MSRB3: variants seen among roughly 807,000 people sequenced by gnomAD.
MSRB3 encodes the protein methionine sulfoxide reductase B3, also known as methionine-R-sulfoxide reductase B3.
Under a neutral mutation model 21.0 loss-of-function variants are expected in MSRB3, and 13 were observed. The observed-to-expected ratio is 0.62, with a 90% CI of 0.40 to 0.98. The LOEUF is 0.98. Ranked by LOEUF, MSRB3 falls within the 50% of genes least tolerant of loss-of-function variation. MSRB3 has a pLI of 0.00. For missense variants in MSRB3, 199 were observed against 230.3 expected (o/e 0.86, Z 0.88); for synonymous variants, 87 against 88.6 (o/e 0.98, Z 0.10).
At chr12:65,385,599 A>G (rs1049163334) in intron 5 of MSRB3, among the ~76,000 whole-genome samples, 5 of 152,042 alleles carry the variant, frequency 3.3e-5, no homozygotes, top group Admixed American at 6.5e-5. Context: ...AAATTAAATA[A>G]AATAGCTTTC....
chr12:65,439,672 A>C (rs1882283726), intron 5 of MSRB3, among the ~76,000 whole-genome samples: 1 of 151,620 alleles, frequency 6.6e-6, no homozygotes, highest in South Asian at 2.1e-4. Context: ...GTAATCTTGA[A>C]TACCTTCATT....
intron 6 of MSRB3, among the ~76,000 whole-genome samples, chr12:65,455,921 A>C (rs1036958568): frequency 1.3e-5 from 2 of 152,078 alleles, no homozygotes; most frequent in African/African-American, 4.8e-5. Flanking sequence ...TATTTTTGGT[A>C]GAGATAGGGT....
intron 4 of MSRB3, among the ~76,000 whole-genome samples, chr12:65,344,769 AAAG>A (rs1236801588): frequency 6.6e-6 from 1 of 152,046 alleles, no homozygotes; most frequent in African/African-American, 2.4e-5. Flanking sequence ...GTCACTTTGA[AAAG>A]ACAATGGAAG....
At chr12:65,359,482 C>G (rs1172484116) in intron 4 of MSRB3, among the ~76,000 whole-genome samples, 1 of 151,912 alleles carries the variant, frequency 6.6e-6, no homozygotes, top group African/African-American at 2.4e-5. Context: ...TTTTACTAAC[C>G]CCTAATCTGC....
chr12:65,306,814 C>G, intron 1 of MSRB3: 1 of 982,378 alleles, frequency 1.0e-6, no homozygotes, highest in Non-Finnish European at 1.2e-6. Context: ...ATTTGTGGCC[C>G]TCAGGTTTTA....
intron 5 of MSRB3, among the ~76,000 whole-genome samples, chr12:65,416,586 G>A (rs780117820): frequency 9.9e-5 from 15 of 152,158 alleles, no homozygotes; most frequent in African/African-American, 1.4e-4. Flanking sequence ...ACATGTTACC[G>A]TACTGAACAC....
intron 5 of MSRB3, among the ~76,000 whole-genome samples, chr12:65,381,461 C>G (rs1948077347): frequency 2.0e-5 from 3 of 152,102 alleles, no homozygotes; most frequent in African/African-American, 7.2e-5. Context: ...TAGCACATTA[C>G]TTGGTTGCAG....
intron 1 of MSRB3, among the ~76,000 whole-genome samples, chr12:65,293,779 C>A (rs1872792508): frequency 6.6e-6 from 1 of 152,168 alleles, no homozygotes; most frequent in Non-Finnish European, 1.5e-5. Flanking sequence ...CACTTTCTCC[C>A]CAGCTTCTGT....
chr12:65,406,016 A>G (rs896473894), intron 5 of MSRB3, among the ~76,000 whole-genome samples: 3 of 151,946 alleles, frequency 2.0e-5, no homozygotes, highest in South Asian at 4.1e-4. Context: ...CTCTTGTTCT[A>G]TAGGTTGTCT....
chr12:65,390,910 A>G (rs1879450614), intron 5 of MSRB3, among the ~76,000 whole-genome samples: 1 of 152,230 alleles, frequency 6.6e-6, no homozygotes, highest in Non-Finnish European at 1.5e-5. Flanking sequence ...AAAGGTATAT[A>G]TATTAATTCC....
At chr12:65,305,414 G>A (rs1873594928) in intron 1 of MSRB3, among the ~76,000 whole-genome samples, 1 of 152,118 alleles carries the variant, frequency 6.6e-6, no homozygotes, top group South Asian at 2.1e-4. Flanking sequence ...CTACCTAGTG[G>A]GGAAACATGG....
intron 4 of MSRB3, among the ~76,000 whole-genome samples, chr12:65,346,739 A>G (rs944159955): frequency 3.9e-5 from 6 of 152,300 alleles, no homozygotes; most frequent in Non-Finnish European, 8.8e-5. Context: ...TAAGTCTTCA[A>G]TCCATCTTGA....
intron 5 of MSRB3, among the ~76,000 whole-genome samples, chr12:65,379,164 ATCCT>A (rs914910283): frequency 7.7e-6 from 1 of 129,342 alleles, no homozygotes; most frequent in Non-Finnish European, 1.6e-5. Context: ...TCATTCAACC[ATCCT>A]TCCATCCATC....
chr12:65,396,658 T>A, intron 5 of MSRB3, among the ~76,000 whole-genome samples: 1 of 138,950 alleles, frequency 7.2e-6, no homozygotes, highest in African/African-American at 2.9e-5. Context: ...GCCATTACAC[T>A]CCAGCCTGGG....
At chr12:65,353,982 T>C (rs1460108975) in intron 4 of MSRB3, among the ~76,000 whole-genome samples, 2 of 152,162 alleles carry the variant, frequency 1.3e-5, no homozygotes, top group East Asian at 3.9e-4. Flanking sequence ...CCTTCACTTA[T>C]GAAGCTTAGT....
chr12:65,390,175 A>G (rs1445170486), intron 5 of MSRB3, among the ~76,000 whole-genome samples: 1 of 152,080 alleles, frequency 6.6e-6, no homozygotes, highest in East Asian at 1.9e-4. Flanking sequence ...ATTTACTCTA[A>G]TTCCTGAAGC....
chr12:65,358,291 AT>A (rs1005706440), intron 4 of MSRB3, among the ~76,000 whole-genome samples: 7 of 149,380 alleles, frequency 4.7e-5, no homozygotes, highest in East Asian at 2.0e-4. Flanking sequence ...CTAATTTTTT[AT>A]TTTTTTTTAT....
intron 5 of MSRB3, among the ~76,000 whole-genome samples, chr12:65,438,899 A>G (rs1882243483): frequency 6.6e-6 from 1 of 151,890 alleles, no homozygotes; most frequent in Admixed American, 6.6e-5. Flanking sequence ...AATAGCAGAA[A>G]AAGGGGGACA....
chr12:65,352,203 C>T (rs578135716), intron 4 of MSRB3, among the ~76,000 whole-genome samples: 26 of 152,202 alleles, frequency 1.7e-4, no homozygotes, highest in South Asian at 1.7e-3. Flanking sequence ...ACAGAGCCAA[C>T]GACAAAAACC....
Sources: gnomAD v4.1 joint callset for allele counts (sites outside exome capture counted in the v4.1 genomes callset) on GRCh38, gnomAD v4.1.1 for gene constraint, MANE v1.5 for transcripts, NCBI Gene and HGNC (gene_info 2026-07-23, HGNC 2026-07-21) for gene names.